ZP3: variants seen among roughly 807,000 people sequenced by gnomAD.
ZP3 encodes zona pellucida glycoprotein 3.
In ZP3, 21 loss-of-function variants were observed where a neutral mutation model predicts 35.6. The ratio of observed to expected loss-of-function variants is 0.59; its 90% CI spans 0.42 to 0.85. The LOEUF (loss-of-function observed/expected upper bound fraction) is 0.85. Ranked by LOEUF, ZP3 falls within the 40% of genes least tolerant of loss-of-function variation. ZP3 has a pLI of 0.00. For synonymous variants in ZP3, 207 were observed against 214.5 expected, an observed-to-expected ratio of 0.96 and a Z score of 0.31; for missense variants, 437 against 536.5, an observed-to-expected ratio of 0.81 and a Z score of 1.83.
In ZP3 at chr7:76,397,579, C is replaced by T. The variant is rs1209475995; in HGVS notation, c.-285C>T. On this transcript the variant is annotated 5_prime_UTR_variant, in exon 1 of 9. Coordinates refer to the ZP3 transcript ENST00000336517. ...AGTTGTGCACACCCCAGCCCAGGCT[C>T]TGGCAGGCTGCCAGGCGGGGCTCGC... The T allele has an allele frequency of 3.7e-6, 6 of 1,609,508 alleles. No individual in the cohort carries two copies. In the African/African-American group the frequency reaches 8.0e-5, roughly 21 times the overall value.
rs1805115205 is a variant in ZP3, at chr7:76,408,328, C to T, written c.-67+10531C>T. ...GGACAGCCCCCAGTGGAATAATCAC[C>T]TTTTGTCCTCCTTCTGCCTGGACTG... On this transcript the variant is annotated intron_variant, in intron 1 of 8. Coordinates refer to the ZP3 transcript ENST00000336517. Among the ~76,000 whole-genome samples the T allele has an allele frequency of 2.0e-5, 3 of 152,246 alleles. No homozygotes were observed. In the South Asian group the frequency reaches 6.2e-4, roughly 32 times the overall value.
chr7:76,426,907 C>CACACACACACAA (rs57796274), intron 1 of ZP3, among the ~76,000 whole-genome samples: 9,760 of 126,778 alleles, frequency 0.077, 506 homozygotes, highest in East Asian at 0.15. Flanking sequence ...CACACACACA[C>CACACACACACAA]AATAGGGTGT....
intron 5 of ZP3, chr7:76,439,854 CCT>C (rs1258341267): frequency 1.4e-4 from 29 of 205,682 alleles, no homozygotes; most frequent in Admixed American, 5.8e-4. Context: ...CTTCCTTCCC[CCT>C]GTTTATTTTA....
At chr7:76,429,188 T>C in intron 1 of ZP3, 2 of 315,560 alleles carry the variant, frequency 6.3e-6, no homozygotes, top group Admixed American at 4.1e-5. Flanking sequence ...CTGCCTGTGG[T>C]GGTGTCAATA....
chr7:76,403,433 G>A (rs1458081793), intron 1 of ZP3, among the ~76,000 whole-genome samples: 1 of 151,284 alleles, frequency 6.6e-6, no homozygotes, highest in East Asian at 1.9e-4. Flanking sequence ...CACCTCCTGG[G>A]TTCAAACAAT....
At chr7:76,405,528 G>C (rs893371131) in intron 1 of ZP3, among the ~76,000 whole-genome samples, 10 of 150,404 alleles carry the variant, frequency 6.6e-5, no homozygotes, top group African/African-American at 2.2e-4. Flanking sequence ...CATGTCTGTA[G>C]CTGCAGCTAA....
chr7:76,430,118 GA>G (rs2115902831), intron 2 of ZP3, among the ~76,000 whole-genome samples: 1 of 152,260 alleles, frequency 6.6e-6, no homozygotes, highest in African/African-American at 2.4e-5. Context: ...GCTGAGGCAG[GA>G]GAATTGCTTG....
At chr7:76,433,873 A>G in intron 4 of ZP3, 165 bp from the exon 5 acceptor site, 1 of 1,078,322 alleles carries the variant, frequency 9.3e-7, no homozygotes, top group Non-Finnish European at 1.3e-6. Flanking sequence ...TAATTTTTGT[A>G]TTTTTAGTAG....
intron 1 of ZP3, among the ~76,000 whole-genome samples, chr7:76,426,150 A>T (rs992619432): frequency 2.0e-5 from 3 of 152,000 alleles, no homozygotes; most frequent in Non-Finnish European, 4.4e-5. Flanking sequence ...CTTGGTGTTA[A>T]AGACCTTAAA....
chr7:76,425,997 C>A (rs945781546), intron 1 of ZP3, among the ~76,000 whole-genome samples: 4 of 151,424 alleles, frequency 2.6e-5, no homozygotes, highest in Non-Finnish European at 5.9e-5. Context: ...GCAGGAGAAT[C>A]GCTTGAACCC....
intron 1 of ZP3, chr7:76,397,929 T>G: frequency 6.4e-6 from 8 of 1,247,326 alleles, no homozygotes; most frequent in Non-Finnish European, 8.7e-6. Flanking sequence ...CTACAACCCT[T>G]GGGCATCTGC....
At chr7:76,424,254 C>G (rs3789832), upstream of ZP3, among the ~76,000 whole-genome samples, 4,950 of 152,262 alleles carry the variant, frequency 0.033, 151 homozygotes, top group East Asian at 0.14. Flanking sequence ...AGCTGTGATA[C>G]ATTGTGGTGC....
In ZP3 at chr7:76,441,874, C is replaced by T; in HGVS notation, c.1093C>T (p.Leu365=). The change falls in exon 8 of 8, where the codon CTG becomes TTG. Residue 365 remains leucine (L), a synonymous_variant. Transcript: ENST00000394857. The part of the protein sequence containing the change: ...TEEADVTVGP[L]IFLDRRGDHE... Reference sequence around the variant, plus strand: ...AGAAGCAGATGTCACCGTGGGGCCACTGATCTTCCTGGACAGGAGGGGTGA... The same window carrying T: ...AGAAGCAGATGTCACCGTGGGGCCATTGATCTTCCTGGACAGGAGGGGTGA... 1 of 1,612,588 alleles carries T rather than the reference C, an allele frequency of 6.2e-7. No homozygotes were observed. Among genetic ancestry groups the T allele is most frequent in the Non-Finnish European group, 8.5e-7 (1 of 1,179,106 alleles).
chr7:76,429,402 C>T (rs756653161), intron 1 of ZP3, 113 bp from the exon 2 acceptor site: 4 of 982,310 alleles, frequency 4.1e-6, no homozygotes, highest in Non-Finnish European at 6.5e-6. Context: ...CTGGCCTTGA[C>T]CCTGTGGTCT....
At chr7:76,436,239 G>A (rs1387065563) in intron 5 of ZP3, among the ~76,000 whole-genome samples, 4 of 151,898 alleles carry the variant, frequency 2.6e-5, no homozygotes, top group Non-Finnish European at 5.9e-5. Flanking sequence ...AGTAGAGATG[G>A]TTTCACCATA....
intron 1 of ZP3, among the ~76,000 whole-genome samples, chr7:76,413,184 A>T (rs954321717): frequency 2.6e-5 from 4 of 151,120 alleles, no homozygotes; most frequent in Non-Finnish European, 4.4e-5. Context: ...GCTGGTCTTG[A>T]ACTCCTGACC....
chr7:76,412,373 G>T (rs958691853), intron 1 of ZP3, among the ~76,000 whole-genome samples: 2 of 152,110 alleles, frequency 1.3e-5, no homozygotes, highest in African/African-American at 2.4e-5. Context: ...AAACAGATTA[G>T]TAATGTTTAG....
At chr7:76,423,037 A>G (rs369605860), upstream of ZP3, among the ~76,000 whole-genome samples, 11,299 of 92,356 alleles carry the variant, frequency 0.12, 1,019 homozygotes, top group Middle Eastern at 0.21. Context: ...GAAAGAAAGA[A>G]AGAAAGAAAG....
chr7:76,397,842 G>A, intron 1 of ZP3: 1 of 1,542,116 alleles, frequency 6.5e-7, no homozygotes, highest in Non-Finnish European at 8.8e-7. Flanking sequence ...CCTGGGGATG[G>A]GGGCGGGGGT....
Sources: gnomAD v4.1 joint callset for allele counts (sites outside exome capture counted in the v4.1 genomes callset) on GRCh38, gnomAD v4.1.1 for gene constraint, MANE v1.5 for transcripts, NCBI Gene and HGNC (gene_info 2026-07-23, HGNC 2026-07-21) for gene names.